CCDC7: variants seen among roughly 807,000 people sequenced by gnomAD.
CCDC7 encodes coiled-coil domain containing 7.
A neutral mutation model predicts 196.9 loss-of-function variants in CCDC7; 183 were observed. The observed-to-expected ratio is 0.93, with a 90% CI of 0.82 to 1.05. The LOEUF is 1.05. CCDC7 is among the 50% of genes least tolerant of loss of function. The pLI, the probability that CCDC7 is intolerant of heterozygous loss-of-function variation, is 0.00. For synonymous variants in CCDC7, 525 were observed against 484.6 expected (o/e 1.08, Z -1.10); for missense variants, 1,540 against 1,482.2 (o/e 1.04, Z -0.64).
At chr10:32,627,249 TG>T (rs1432754305) in intron 18 of CCDC7, among the ~76,000 whole-genome samples, 5 of 151,952 alleles carry the variant, frequency 3.3e-5, no homozygotes, top group Non-Finnish European at 7.4e-5. Context: ...TTTATCTCTT[TG>T]GTCAAACTTT....
At chr10:32,566,002 C>T (rs1347560200) in intron 14 of CCDC7, among the ~76,000 whole-genome samples, 2 of 152,048 alleles carry the variant, frequency 1.3e-5, no homozygotes, top group African/African-American at 2.4e-5. Context: ...AAGATGTTGA[C>T]TCTTACTACT....
chr10:32,635,376 T>C (rs2065463059), intron 20 of CCDC7, among the ~76,000 whole-genome samples: 1 of 152,164 alleles, frequency 6.6e-6, no homozygotes, highest in Non-Finnish European at 1.5e-5. Flanking sequence ...CAGGTTTTAC[T>C]TTATATCTTA....
At chr10:32,598,988 T>C (rs2060712983) in intron 18 of CCDC7, among the ~76,000 whole-genome samples, 1 of 152,198 alleles carries the variant, frequency 6.6e-6, no homozygotes, top group South Asian at 2.1e-4. Flanking sequence ...CTGCCTGTTG[T>C]GTCCATTATT....
rs757994504 is a variant in CCDC7 at position 32,565,550 on chromosome 10, C to A, written c.1135-8C>A. On this transcript the variant is annotated splice_polypyrimidine_tract_variant and splice_region_variant and intron_variant, in intron 13 of 41. Coordinates refer to ENST00000639629, the Ensembl canonical transcript of CCDC7. ...TAAATACCTTTTTTCCCCCTTCTTA[C>A]TTCCTAGAAAGTAGCACGTCTGGAA... The A allele has an allele frequency of 1.9e-6, 3 of 1,607,848 alleles. No homozygotes were observed. Among genetic ancestry groups the A allele is most frequent in the South Asian group, 2.2e-5 (2 of 89,960 alleles).
At chr10:32,778,412 G>A (rs1200611728) in intron 28 of CCDC7, among the ~76,000 whole-genome samples, 3 of 152,168 alleles carry the variant, frequency 2.0e-5, no homozygotes, top group Admixed American at 6.5e-5. Context: ...TGGCTTGCCA[G>A]CTATCCCAGC....
chr10:32,847,378 T>A (rs1256922657), intron 37 of CCDC7, among the ~76,000 whole-genome samples: 1 of 152,164 alleles, frequency 6.6e-6, no homozygotes, highest in Admixed American at 6.6e-5. Flanking sequence ...CCACAATAAC[T>A]GTTTGTGAGA....
intron 33 of CCDC7, among the ~76,000 whole-genome samples, chr10:32,837,587 A>G (rs1441898089): frequency 3.3e-5 from 5 of 152,174 alleles, no homozygotes; most frequent in African/African-American, 1.2e-4. Flanking sequence ...ATATACCCAA[A>G]GGATTATAAA....
intron 28 of CCDC7, among the ~76,000 whole-genome samples, chr10:32,774,213 A>G (rs73255962): frequency 6.6e-5 from 10 of 151,894 alleles, no homozygotes; most frequent in African/African-American, 1.2e-4. Context: ...ACTTTACTCA[A>G]TGTGGTATCT....
At chr10:32,607,574 A>G (rs563561373) in intron 18 of CCDC7, among the ~76,000 whole-genome samples, 3 of 152,272 alleles carry the variant, frequency 2.0e-5, no homozygotes, top group East Asian at 1.9e-4. Context: ...TTCAGTATCT[A>G]TTGAGATAAT....
At chr10:32,526,010 G>T (rs907527127) in intron 11 of CCDC7, among the ~76,000 whole-genome samples, 1 of 152,190 alleles carries the variant, frequency 6.6e-6, no homozygotes, top group African/African-American at 2.4e-5. Flanking sequence ...CTTCAGGGTG[G>T]TGTGTTCCCC....
At chr10:32,819,378 C>G (rs1001891207) in intron 31 of CCDC7, among the ~76,000 whole-genome samples, 1 of 152,112 alleles carries the variant, frequency 6.6e-6, no homozygotes, top group Non-Finnish European at 1.5e-5. Flanking sequence ...CTGAATTCTC[C>G]CAGAGGTAAA....
At chr10:32,456,494 T>G (rs2034386473) in intron 3 of CCDC7, 160 bp downstream of exon 4, 1 of 556,236 alleles carries the variant, frequency 1.8e-6, no homozygotes, top group Non-Finnish European at 2.7e-6. Context: ...TTTTATTCTT[T>G]TTTTTTAATC....
chr10:32,511,775 C>T (rs1044510130), intron 9 of CCDC7: 44 of 1,460,072 alleles, frequency 3.0e-5, no homozygotes, highest in East Asian at 6.9e-5. Context: ...TCCAGCCTCC[C>T]GGAAAGCGGT....
chr10:32,553,160 G>A (rs558993668), intron 13 of CCDC7, among the ~76,000 whole-genome samples: 5 of 145,920 alleles, frequency 3.4e-5, no homozygotes, highest in Admixed American at 6.9e-5. Flanking sequence ...TTAATTTGAC[G>A]ACTGTGTCTT....
intron 8 of CCDC7, among the ~76,000 whole-genome samples, chr10:32,484,114 C>G (rs1275034371): frequency 6.6e-6 from 1 of 151,562 alleles, no homozygotes; most frequent in Non-Finnish European, 1.5e-5. Context: ...AATATTGATT[C>G]TTCCTATCCA....
At chr10:32,706,486 A>T (rs1242855612) in intron 24 of CCDC7, among the ~76,000 whole-genome samples, 4 of 152,142 alleles carry the variant, frequency 2.6e-5, no homozygotes, top group Non-Finnish European at 5.9e-5. Flanking sequence ...GAATTGAAGG[A>T]GATAGAGACA....
intron 28 of CCDC7, among the ~76,000 whole-genome samples, chr10:32,749,822 G>A (rs1175361116): frequency 1.3e-5 from 2 of 152,074 alleles, no homozygotes; most frequent in South Asian, 2.1e-4. Context: ...TAAGACTTAC[G>A]TGTAAATTTT....
rs1197333587 is a variant in CCDC7, at chr10:32,517,993, A to T, written c.903+18A>T. ...TAGATGCTGTAAGTATAGTACTCTC[A>T]ATTTGAAATTACACTTTGTCCTTGA... is the stretch of plus-strand genomic sequence containing the variant. On this transcript the variant is annotated intron_variant, in intron 10 of 41. Transcript: ENST00000639629. 1 of 1,555,582 alleles carries T rather than the reference A, an allele frequency of 6.4e-7. No homozygotes were observed. The highest frequency in any genetic ancestry group is 1.4e-5 in the African/African-American group (1 of 70,906).
chr10:32,479,678 G>A (rs1303191207), intron 8 of CCDC7, among the ~76,000 whole-genome samples: 2 of 152,066 alleles, frequency 1.3e-5, no homozygotes, highest in African/African-American at 4.8e-5. Context: ...TTCTCATAGC[G>A]TCTTTGTCTG....
Sources: allele counts gnomAD v4.1 joint callset (sites outside exome capture counted in the v4.1 genomes callset), GRCh38; gene constraint gnomAD v4.1.1; transcripts MANE v1.5; gene names NCBI Gene and HGNC (gene_info 2026-07-23, HGNC 2026-07-21).